KIAA0825: variants seen among roughly 807,000 people sequenced by gnomAD.
The protein encoded by KIAA0825 is KIAA0825.
KIAA0825 carries 119 observed loss-of-function variants against 147.6 expected under a neutral mutation model. That is an observed-to-expected ratio of 0.81 (90% confidence interval 0.69 to 0.94). The LOEUF (loss-of-function observed/expected upper bound fraction) is 0.94, where lower values mean the gene tolerates loss of function less well. Among genes scored for constraint, KIAA0825 ranks in the 40% least tolerant of loss-of-function variants. The pLI is 0.00. For synonymous variants in KIAA0825, 470 were observed against 518.1 expected (o/e 0.91, Z 1.26); for missense variants, 1,381 against 1,472.7 (o/e 0.94, Z 1.02).
intron 20 of KIAA0825, among the ~76,000 whole-genome samples, chr5:94,249,455 C>T (rs182868686): frequency 0.015 from 2,231 of 152,136 alleles, 27 homozygotes; most frequent in Non-Finnish European, 0.019. Flanking sequence ...CAATGTGAGG[C>T]CTCTTGTTAA....
intron 12 of KIAA0825, among the ~76,000 whole-genome samples, chr5:94,457,114 T>G (rs760438775): frequency 7.2e-5 from 11 of 152,194 alleles, no homozygotes; most frequent in Non-Finnish European, 8.8e-5. Flanking sequence ...GTGAGATCTG[T>G]ATGAGCATTT....
chr5:94,178,095 T>C (rs1769274363), intron 20 of KIAA0825, among the ~76,000 whole-genome samples: 1 of 152,092 alleles, frequency 6.6e-6, no homozygotes, highest in Non-Finnish European at 1.5e-5. Flanking sequence ...GTTATTCATA[T>C]AAGATTTTCC....
At chr5:94,397,666 A>G (rs114426033) in intron 16 of KIAA0825, among the ~76,000 whole-genome samples, 8,746 of 152,132 alleles carry the variant, frequency 0.057, 821 homozygotes, top group African/African-American at 0.2. Context: ...GTGTTTAGCC[A>G]CATCTCTGGC....
chr5:94,396,552 G>A (rs1041982492), intron 16 of KIAA0825, 43 bp from the exon 17 acceptor site: 24 of 1,423,118 alleles, frequency 1.7e-5, no homozygotes, highest in Admixed American at 2.9e-5. Flanking sequence ...TAGCATTTGC[G>A]TTCAATCACT....
chr5:94,452,537 T>C (rs142429369), intron 13 of KIAA0825, among the ~76,000 whole-genome samples: 1 of 152,210 alleles, frequency 6.6e-6, no homozygotes, highest in Non-Finnish European at 1.5e-5. Context: ...TTTTAAGTGC[T>C]GTTAATTAAA....
intron 1 of KIAA0825, among the ~76,000 whole-genome samples, chr5:94,583,214 G>A (rs1009233238): frequency 5.9e-5 from 9 of 152,198 alleles, no homozygotes; most frequent in African/African-American, 1.7e-4. Context: ...AAAGCAGGCC[G>A]GGAAGTGCAA....
chr5:94,340,989 G>A (rs143544674), intron 20 of KIAA0825, among the ~76,000 whole-genome samples: 19 of 152,182 alleles, frequency 1.2e-4, no homozygotes, highest in East Asian at 1.2e-3. Flanking sequence ...ATAAATCCAC[G>A]GATGGGTCCC....
At chr5:94,191,399 AC>A (rs1770666344) in intron 20 of KIAA0825, among the ~76,000 whole-genome samples, 2 of 152,190 alleles carry the variant, frequency 1.3e-5, no homozygotes, top group African/African-American at 4.8e-5. Context: ...ACAAAATGAA[AC>A]AATTCATCAT....
chr5:94,384,391 G>A lies in KIAA0825; in HGVS notation c.3687C>T (p.Thr1229=), dbSNP rs765801027. 19 of 1,551,738 alleles carry A rather than the reference G, an allele frequency of 1.2e-5. No individual in the cohort carries two copies. Among genetic ancestry groups the A allele is most frequent in the African/African-American group, 8.2e-5 (6 of 73,012 alleles). The part of the protein sequence containing the change: ...LPNYLRLDKM[T]FSVLLKNRWE... Reference sequence around the variant, plus strand: ...ACCTGTTTTTGAGCAGCACACTGAAGGTCATCTTATCCAGTCTCAGATAAT... The same window carrying A: ...ACCTGTTTTTGAGCAGCACACTGAAAGTCATCTTATCCAGTCTCAGATAAT... The change falls in exon 20 of 21, where the codon ACC becomes ACT. Residue 1229 remains threonine (T), a synonymous_variant. Transcript: ENST00000682413.
At chr5:94,572,813 T>C (rs527770839) in intron 2 of KIAA0825, among the ~76,000 whole-genome samples, 6 of 152,192 alleles carry the variant, frequency 3.9e-5, no homozygotes, top group Non-Finnish European at 7.3e-5. Context: ...TTCTTTATAA[T>C]TGATTTTTGT....
Position 94,465,077 on chromosome 5 carries a change from C to G in KIAA0825, c.1873-18G>C. 1 of 1,547,386 alleles carries G rather than the reference C, an allele frequency of 6.5e-7. No homozygotes were observed. Among genetic ancestry groups the G allele is most frequent in the Non-Finnish European group, 8.7e-7 (1 of 1,144,230 alleles). ...CTTTCCCCCTGGCAAAGCCAGCACA[C>G]GTTAAACCATAGAGTTACATCTTCT... On this transcript the variant is annotated intron_variant, in intron 10 of 20. Transcript: ENST00000682413.
At position 94,218,227 on chromosome 5, in the gene KIAA0825, C is replaced by T. The variant is rs750262571; in HGVS notation, c.3711-64103G>A. On this transcript the variant is annotated intron_variant, in intron 20 of 20. Transcript: ENST00000682413. ...GAATGAATGCTTCTGGAATCCTGAA[C>T]TTCTTATAGTTTCCCGAGCTCAAAT... 7.9e-5 allele frequency among the ~76,000 whole-genome samples: 12 copies of T among 152,274 alleles called. No individual in the cohort carries two copies. In the East Asian group the frequency reaches 2.1e-3, roughly 27 times the overall value.
chr5:94,463,539 GA>G (rs974221210), intron 11 of KIAA0825, among the ~76,000 whole-genome samples: 2 of 151,050 alleles, frequency 1.3e-5, no homozygotes, highest in Non-Finnish European at 3.0e-5. Context: ...CTAATTGCTA[GA>G]TAAACAATTT....
chr5:94,530,271 C>CA (rs770501364), intron 3 of KIAA0825, among the ~76,000 whole-genome samples: 6,575 of 54,122 alleles, frequency 0.12, 778 homozygotes, highest in African/African-American at 0.33. Flanking sequence ...AACTCCGTCA[C>CA]AAAAAAAAAA....
At chr5:94,433,228 C>T (rs111696875) in intron 14 of KIAA0825, among the ~76,000 whole-genome samples, 2,260 of 152,068 alleles carry the variant, frequency 0.015, 66 homozygotes, top group African/African-American at 0.051. Flanking sequence ...GGGGTTTCAC[C>T]GTGTTAGCCA....
intron 12 of KIAA0825, among the ~76,000 whole-genome samples, chr5:94,458,332 C>T (rs1186206385): frequency 6.6e-6 from 1 of 151,994 alleles, no homozygotes; most frequent in Non-Finnish European, 1.5e-5. Context: ...CATGGTAAAA[C>T]AAAGAAAGGA....
At chr5:94,595,273 A>C (rs1054574566) in intron 1 of KIAA0825, among the ~76,000 whole-genome samples, 1 of 152,126 alleles carries the variant, frequency 6.6e-6, no homozygotes, top group Non-Finnish European at 1.5e-5. Context: ...ACATTTCCAT[A>C]CATCTCTGAA....
intron 20 of KIAA0825, among the ~76,000 whole-genome samples, chr5:94,376,106 A>T (rs1213928290): frequency 2.0e-5 from 3 of 152,224 alleles, no homozygotes; most frequent in Non-Finnish European, 4.4e-5. Context: ...TAAGGTTATT[A>T]TAAGGATTTA....
At chr5:94,275,404 C>T (rs1777177569) in intron 20 of KIAA0825, among the ~76,000 whole-genome samples, 1 of 152,076 alleles carries the variant, frequency 6.6e-6, no homozygotes, top group Admixed American at 6.6e-5. Context: ...ATAGTTTCTC[C>T]TCATTCCAGA....
Sources: gnomAD v4.1 joint callset for allele counts (sites outside exome capture counted in the v4.1 genomes callset) on GRCh38, gnomAD v4.1.1 for gene constraint, MANE v1.5 for transcripts, NCBI Gene and HGNC (gene_info 2026-07-23, HGNC 2026-07-21) for gene names.